The following KLKB1 variants were observed in gnomAD, a reference collection of about 807,000 sequenced individuals.
The protein encoded by KLKB1 is plasma kallikrein.
A neutral mutation model predicts 73.6 loss-of-function variants in KLKB1; 58 were observed. The ratio of observed to expected loss-of-function variants is 0.79; its 90% CI spans 0.64 to 0.98. The LOEUF is 0.98. KLKB1 is among the 50% of genes least tolerant of loss of function. The probability of loss-of-function intolerance (pLI) is 0.00; values close to 1 mark genes in which losing one functional copy is unlikely to be tolerated. For missense variants in KLKB1, 737 were observed against 763.8 expected (o/e 0.96, Z 0.41); for synonymous variants, 280 against 258.1 (o/e 1.08, Z -0.81).
Position 186,218,653 on chromosome 4 carries a change from C to CGT in KLKB1, c.201+9382_201+9383insTG, listed in dbSNP as rs1561443800. 1.0e-4 allele frequency among the ~76,000 whole-genome samples: 12 copies of CGT among 120,136 alleles called. No individual in the cohort carries two copies. The South Asian group carries it at 3.3e-3, about 33-fold the overall frequency. 78.8% of individuals were successfully genotyped at this position (120,136 alleles called of 152,430 possible). On this transcript the variant is annotated intron_variant, in intron 2 of 14. Coordinates refer to the KLKB1 transcript ENST00000511608. ...TAGTGTGTGTGTGTGTGTGTGTGTGCGCATGTGTGTGTGCTGAGAACCCAT... is the reference window on the plus strand; with the variant it reads ...TAGTGTGTGTGTGTGTGTGTGTGTGCGTGCATGTGTGTGTGCTGAGAACCCAT...
chr4:186,248,569 T>TTGA (rs975772233), intron 6 of KLKB1, among the ~76,000 whole-genome samples: 5 of 148,662 alleles, frequency 3.4e-5, no homozygotes, highest in African/African-American at 1.2e-4. Flanking sequence ...TATACTTAGT[T>TTGA]TGATGAACAT....
intron 2 of KLKB1, among the ~76,000 whole-genome samples, chr4:186,213,899 C>A (rs945488429): frequency 1.3e-5 from 2 of 152,138 alleles, no homozygotes; most frequent in Non-Finnish European, 2.9e-5. Context: ...TTTCTAGGAG[C>A]AGCACTTTTT....
chr4:186,221,836 T>C (rs1737039146), upstream of KLKB1, among the ~76,000 whole-genome samples: 1 of 152,224 alleles, frequency 6.6e-6, no homozygotes, highest in Non-Finnish European at 1.5e-5. Context: ...ATCCACAGTT[T>C]CCTTGTTGAT....
At chr4:186,243,251 G>T (rs539484095) in intron 6 of KLKB1, among the ~76,000 whole-genome samples, 18 of 152,262 alleles carry the variant, frequency 1.2e-4, no homozygotes, top group African/African-American at 4.3e-4. Flanking sequence ...ACGACGGAAA[G>T]GAAAAGTGAG....
At chr4:186,220,664 A>G (rs1433397273) in intron 2 of KLKB1, among the ~76,000 whole-genome samples, 1 of 152,230 alleles carries the variant, frequency 6.6e-6, no homozygotes, top group Non-Finnish European at 1.5e-5. Flanking sequence ...TCCTAGGCTC[A>G]GTTGATCATG....
intron 2 of KLKB1, among the ~76,000 whole-genome samples, chr4:186,215,322 TTCTTTC>T (rs1185520260): frequency 6.9e-6 from 1 of 145,970 alleles, no homozygotes; most frequent in African/African-American, 2.5e-5. Flanking sequence ...TTCTTTCTCT[TTCTTTC>T]TCTTTCTTTC....
chr4:186,238,406 G>A (rs1737822159), intron 6 of KLKB1, 41 bp downstream of exon 6: 9 of 1,362,104 alleles, frequency 6.6e-6, no homozygotes, highest in Non-Finnish European at 9.5e-6. Context: ...GTGGTAGGTG[G>A]AATAGGAGCC....
At chr4:186,230,569 A>G (rs1457067513) in intron 2 of KLKB1, among the ~76,000 whole-genome samples, 1 of 152,216 alleles carries the variant, frequency 6.6e-6, no homozygotes, top group Non-Finnish European at 1.5e-5. Context: ...CACAGCTATC[A>G]TTGTCATGGT....
intron 6 of KLKB1, among the ~76,000 whole-genome samples, chr4:186,249,341 A>C (rs1213151034): frequency 6.6e-6 from 1 of 152,206 alleles, no homozygotes; most frequent in African/African-American, 2.4e-5. Flanking sequence ...TATGGTGTAA[A>C]GTAGCAATCC....
intron 2 of KLKB1, among the ~76,000 whole-genome samples, chr4:186,218,279 T>A (rs1377246287): frequency 6.6e-6 from 1 of 152,154 alleles, no homozygotes; most frequent in Non-Finnish European, 1.5e-5. Context: ...ATAGATATCA[T>A]TTGCTAAAAT....
intron 11 of KLKB1, among the ~76,000 whole-genome samples, chr4:186,253,280 CA>C: frequency 6.7e-6 from 1 of 148,434 alleles, no homozygotes; most frequent in African/African-American, 2.4e-5. Flanking sequence ...ATAAACACAC[CA>C]AGTATTTTTG....
rs1738711888 is a variant in KLKB1, at chr4:186,252,096, G to A, written c.1224G>A (p.Leu408=). 2 of 1,614,072 alleles carry A rather than the reference G, an allele frequency of 1.2e-6. No individual in the cohort carries two copies. The highest frequency in any genetic ancestry group is 1.7e-5 in the Admixed American group (1 of 60,026). ...SWGEWPWQVS[L]QVKLTAQRHL... ...GAGAGTGGCCCTGGCAGGTGAGCCT[G>A]CAGGTGAAGCTGACAGCTCAGAGGC... Residue 408 remains leucine, a synonymous_variant, in exon 11 of 15, where the codon CTG becomes CTA. Transcript: ENST00000264690.
At chr4:186,238,435 C>A in intron 6 of KLKB1, 70 bp downstream of exon 6, 1 of 1,065,686 alleles carries the variant, frequency 9.4e-7, no homozygotes, top group Non-Finnish European at 1.5e-6. Context: ...CGTCCCTGTG[C>A]TGAGCCCTGG....
chr4:186,230,638 T>A (rs1737350653), intron 2 of KLKB1, among the ~76,000 whole-genome samples: 1 of 152,212 alleles, frequency 6.6e-6, no homozygotes, highest in Non-Finnish European at 1.5e-5. Flanking sequence ...TACTAGAAGT[T>A]TCTTTCCATT....
Position 186,220,079 on chromosome 4 carries a change from T to C in KLKB1, c.201+10807T>C, listed in dbSNP as rs188024257. On this transcript the variant is annotated intron_variant, in intron 2 of 14. Coordinates refer to the KLKB1 transcript ENST00000511608. Reference sequence around the variant, plus strand: ...GTCTTCTGGTGGCAGCATTTTTCCCTCTGAAACTAACACAACTAAGCAAGC... The same window carrying C: ...GTCTTCTGGTGGCAGCATTTTTCCCCCTGAAACTAACACAACTAAGCAAGC... Among the ~76,000 whole-genome samples, 27 of 152,038 alleles carry C rather than the reference T, an allele frequency of 1.8e-4. No individual in the cohort carries two copies. The East Asian group carries it at 4.3e-3, about 24-fold the overall frequency.
chr4:186,222,903 C>T (rs1737061316), upstream of KLKB1, among the ~76,000 whole-genome samples: 1 of 152,160 alleles, frequency 6.6e-6, no homozygotes. Flanking sequence ...CCACCCAAAT[C>T]TCATCTCGAA....
At chr4:186,229,586 G>A (rs958963230) in intron 2 of KLKB1, among the ~76,000 whole-genome samples, 2 of 151,994 alleles carry the variant, frequency 1.3e-5, no homozygotes, top group African/African-American at 4.8e-5. Flanking sequence ...AGATTCAAAG[G>A]TGTGAATATT....
Position 186,251,644 on chromosome 4 carries a change from A to G in KLKB1, c.1026A>G (p.Glu342=). ...CTTTACTCCCAGAAGACTGTAAGGA[A>G]GAGAAGTAAAGGAAATTTTATTTTT... is the stretch of plus-strand genomic sequence containing the variant. The part of the protein sequence containing the change: ...TYSLLPEDCK[E]EKCKCFLRLS... Residue 342 remains glutamate (E), a synonymous_variant, in exon 9 of 15, where the codon GAA becomes GAG. Coordinates refer to ENST00000264690, the MANE Select transcript of KLKB1 (RefSeq NM_000892.5). 3 of 1,613,912 alleles carry G rather than the reference A, an allele frequency of 1.9e-6. No individual in the cohort carries two copies. The highest frequency in any genetic ancestry group is 2.5e-6 in the Non-Finnish European group (3 of 1,179,836).
chr4:186,222,340 T>C (rs1324006411), upstream of KLKB1, among the ~76,000 whole-genome samples: 1 of 152,238 alleles, frequency 6.6e-6, no homozygotes, highest in Non-Finnish European at 1.5e-5. Flanking sequence ...TTGTTGCTTC[T>C]TTTTGTCTCA....
Sources: allele counts gnomAD v4.1 joint callset (sites outside exome capture counted in the v4.1 genomes callset), GRCh38; gene constraint gnomAD v4.1.1; transcripts MANE v1.5; gene names NCBI Gene and HGNC (gene_info 2026-07-23, HGNC 2026-07-21).